Variants in GIGYF2 observed in about 807,000 individuals in gnomAD.
The protein encoded by GIGYF2 is GRB10-interacting GYF protein 2.
GIGYF2 carries 25 observed loss-of-function variants against 208.1 expected under a neutral mutation model. That is an observed-to-expected ratio of 0.12 (90% confidence interval 0.09 to 0.17). The LOEUF (loss-of-function observed/expected upper bound fraction) is 0.17. GIGYF2 is among the 10% of genes least tolerant of loss of function. The pLI, the probability that GIGYF2 is intolerant of heterozygous loss-of-function variation, is 1.00. For synonymous variants in GIGYF2, 534 were observed against 543.8 expected, an observed-to-expected ratio of 0.98 and a Z score of 0.25; for missense variants, 1,302 against 1,579.4, an observed-to-expected ratio of 0.82 and a Z score of 2.98.
intron 21 of GIGYF2, among the ~76,000 whole-genome samples, chr2:232,821,936 AAT>A (rs925004188): frequency 3.6e-5 from 5 of 139,680 alleles, no homozygotes; most frequent in African/African-American, 1.1e-4. Context: ...CAATTGTATA[AAT>A]ATTTTTTTTT....
In GIGYF2 at chr2:232,794,958, T is replaced by C; in HGVS notation, c.1479+14T>C. 6.3e-7 allele frequency: 1 copy of C among 1,590,994 alleles called. No homozygotes were observed. Among genetic ancestry groups the C allele is most frequent in the Non-Finnish European group, 8.6e-7 (1 of 1,159,270 alleles). ...CATTTGGAGCAGGTAAAAATCCTGTTAATTCTTTTTGTCTCCTCTTAAACT... is the reference window on the plus strand; with the variant it reads ...CATTTGGAGCAGGTAAAAATCCTGTCAATTCTTTTTGTCTCCTCTTAAACT... On this transcript the variant is annotated intron_variant, in intron 13 of 28. Coordinates refer to ENST00000373563, the MANE Select transcript of GIGYF2 (RefSeq NM_001103146.3).
At chr2:232,759,199 A>G (rs1047397181) in intron 6 of GIGYF2, among the ~76,000 whole-genome samples, 1 of 152,200 alleles carries the variant, frequency 6.6e-6, no homozygotes, top group African/African-American at 2.4e-5. Flanking sequence ...GAAATACTGC[A>G]TGGATATTTG....
Position 232,812,417 on chromosome 2 carries a change from C to T in GIGYF2, c.2033C>T (p.Ser678Leu). ...ATATCTGATCAGAACATCATTCCCT[C>T]AGTAACTAGGTCTGTGTCCGTGCCA... ...MRISDQNIIP[S>L]VTRSVSVPDT... The change falls in exon 18 of 29, where the codon TCA (serine) becomes TTA (leucine). Residue 678 changes from serine to leucine, a missense_variant. This residue lies in a region of GIGYF2 where 701 missense variants were observed against 793.0 expected (regional missense o/e 0.88). Transcript: ENST00000373563. 1.3e-6 allele frequency: 2 copies of T among 1,496,338 alleles called. No individual in the cohort carries two copies. The highest frequency in any genetic ancestry group is 1.9e-6 in the Non-Finnish European group (2 of 1,073,216). 92.7% of individuals were successfully genotyped at this position (1,496,338 alleles called of 1,614,324 possible).
At chr2:232,754,620 A>G (rs1172595354) in intron 5 of GIGYF2, among the ~76,000 whole-genome samples, 1 of 152,194 alleles carries the variant, frequency 6.6e-6, no homozygotes, top group East Asian at 1.9e-4. Context: ...ATTAGAATAT[A>G]TTAATCTGTA....
Position 232,818,298 on chromosome 2 carries a change from C to T in GIGYF2, c.2370+1266C>T, listed in dbSNP as rs184077805. Reference sequence around the variant, plus strand: ...ATAGGGAGCAAAAACAAACTCTACACGTATATTTGCTTTACAACATTTTCC... The same window carrying T: ...ATAGGGAGCAAAAACAAACTCTACATGTATATTTGCTTTACAACATTTTCC... On this transcript the variant is annotated intron_variant, in intron 20 of 28. Transcript: ENST00000373563. 1.6e-3 allele frequency among the ~76,000 whole-genome samples: 251 copies of T among 152,298 alleles called. 2 individuals are homozygous for T. The highest frequency in any genetic ancestry group is 4.3e-4 in the Non-Finnish European group (29 of 68,022).
At chr2:232,752,318 G>A (rs773233974) in intron 5 of GIGYF2, among the ~76,000 whole-genome samples, 3 of 152,114 alleles carry the variant, frequency 2.0e-5, no homozygotes, top group Non-Finnish European at 4.4e-5. Context: ...CTTCTAGGGA[G>A]GTAAATACTT....
At chr2:232,825,395 C>G (rs1198819488) in intron 21 of GIGYF2, among the ~76,000 whole-genome samples, 1 of 152,132 alleles carries the variant, frequency 6.6e-6, no homozygotes, top group Non-Finnish European at 1.5e-5. Flanking sequence ...AAAGTTGATT[C>G]CCACCCTCAT....
chr2:232,757,777 C>T (rs894495421), intron 6 of GIGYF2, among the ~76,000 whole-genome samples: 1 of 79,448 alleles, frequency 1.3e-5, no homozygotes, highest in Non-Finnish European at 3.0e-5. Context: ...GCACCCCCCG[C>T]CCCCCGCCAT....
chr2:232,699,427 T>C (rs34098195), intron 1 of GIGYF2, among the ~76,000 whole-genome samples: 2 of 152,202 alleles, frequency 1.3e-5, no homozygotes, highest in Non-Finnish European at 1.5e-5. Flanking sequence ...TTATCTCTTG[T>C]GATTCTTGGA....
chr2:232,729,676 A>G (rs1697362139), intron 2 of GIGYF2: 4 of 868,732 alleles, frequency 4.6e-6, no homozygotes, highest in Non-Finnish European at 7.6e-6. Context: ...GAACTAGTTT[A>G]GATGAGCCCC....
At chr2:232,729,449 T>G in intron 2 of GIGYF2, 2 of 724,638 alleles carry the variant, frequency 2.8e-6, no homozygotes, top group Non-Finnish European at 2.0e-6. Context: ...AATAACTTGG[T>G]TTATTATTTT....
intron 28 of GIGYF2, among the ~76,000 whole-genome samples, chr2:232,852,052 G>T (rs1006885835): frequency 1.3e-5 from 2 of 152,228 alleles, no homozygotes; most frequent in Non-Finnish European, 2.9e-5. Flanking sequence ...ACATGGCACA[G>T]GCTGAGGGGA....
chr2:232,787,932 T>C (rs1699964918), intron 9 of GIGYF2, among the ~76,000 whole-genome samples: 1 of 152,222 alleles, frequency 6.6e-6, no homozygotes, highest in Non-Finnish European at 1.5e-5. Context: ...CTGTTCTTCT[T>C]GGACATTAGA....
intron 5 of GIGYF2, among the ~76,000 whole-genome samples, chr2:232,750,099 C>T (rs138625587): frequency 0.014 from 2,136 of 151,936 alleles, 48 homozygotes; most frequent in African/African-American, 0.043. Flanking sequence ...GCAGGAGAAT[C>T]GCTTGAACTC....
At chr2:232,774,605 A>G (rs750105630) in intron 8 of GIGYF2, among the ~76,000 whole-genome samples, 1 of 152,194 alleles carries the variant, frequency 6.6e-6, no homozygotes, top group Non-Finnish European at 1.5e-5. Flanking sequence ...AGGATATAAC[A>G]ATGAAAGGAT....
intron 8 of GIGYF2, among the ~76,000 whole-genome samples, chr2:232,781,285 A>AACAC (rs1399563065): frequency 6.2e-5 from 4 of 64,854 alleles, no homozygotes; most frequent in Non-Finnish European, 1.2e-4. Context: ...TTATATCAGG[A>AACAC]ATACACACAC....
intron 12 of GIGYF2, 60 bp from the exon 13 acceptor site, chr2:232,794,688 G>C (rs1700170970): frequency 7.6e-7 from 1 of 1,313,684 alleles, no homozygotes; most frequent in Admixed American, 1.7e-5. Flanking sequence ...TGATAATGTA[G>C]TTAGCCTTCA....
At chr2:232,750,731 CTGTGTGTG>C (rs61571808) in intron 5 of GIGYF2, among the ~76,000 whole-genome samples, 1 of 147,286 alleles carries the variant, frequency 6.8e-6, no homozygotes, top group African/African-American at 2.5e-5. Context: ...TATATGAGCT[CTGTGTGTG>C]TGTGTGTGTG....
intron 22 of GIGYF2, among the ~76,000 whole-genome samples, chr2:232,837,789 T>A (rs1412369785): frequency 1.3e-5 from 2 of 152,166 alleles, no homozygotes; most frequent in East Asian, 3.8e-4. Flanking sequence ...TTAAAAATGA[T>A]CTTCACCAGT....
Sources: allele counts gnomAD v4.1 joint callset (sites outside exome capture counted in the v4.1 genomes callset), GRCh38; gene constraint gnomAD v4.1.1; regional missense constraint gnomAD v4.1.1; transcripts MANE v1.5; gene names NCBI Gene and HGNC (gene_info 2026-07-23, HGNC 2026-07-21).